Variants in OGDH observed in about 807,000 individuals in gnomAD.
The protein encoded by OGDH is oxoglutarate dehydrogenase, also known as 2-oxoglutarate dehydrogenase complex component E1.
In OGDH, 38 loss-of-function variants were observed where a neutral mutation model predicts 116.6. That is an observed-to-expected ratio of 0.33 (90% CI 0.25 to 0.43). The LOEUF (loss-of-function observed/expected upper bound fraction) is 0.43. Among genes scored for constraint, OGDH ranks in the 20% least tolerant of loss-of-function variants. The pLI is 1.00. For synonymous variants in OGDH, 488 were observed against 533.3 expected (o/e 0.92, Z 1.17); for missense variants, 825 against 1,357.2 (o/e 0.61, Z 6.16).
chr7:44,675,981 T>C lies in OGDH; in HGVS notation c.1038T>C (p.Asp346=). The C allele has an allele frequency of 6.2e-7, 1 of 1,613,914 alleles. No individual in the cohort carries two copies. The highest frequency in any genetic ancestry group is 8.5e-7 in the Non-Finnish European group (1 of 1,179,920). The change falls in exon 9 of 23, where the codon GAT becomes GAC. Residue 346 remains aspartate, a synonymous_variant. Transcript: ENST00000222673. ...KLEAADEGSG[D]VKYHLGMYHR... ...GTTTACCCCATCAGGGCTCCGGAGA[T>C]GTGAAGTACCACCTGGGCATGTATC...
chr7:44,618,820 G>A (rs570822671), intron 1 of OGDH, among the ~76,000 whole-genome samples: 8 of 152,310 alleles, frequency 5.3e-5, no homozygotes, highest in Middle Eastern at 6.8e-3. Flanking sequence ...TTGTCTGATT[G>A]TAGGTCACAA....
chr7:44,611,300 G>A (rs182380455), intron 1 of OGDH, among the ~76,000 whole-genome samples: 1,750 of 150,652 alleles, frequency 0.012, 9 homozygotes, highest in Non-Finnish European at 0.019. Context: ...TCGCTCTGTC[G>A]CCCAGGCTGG....
At chr7:44,673,726 G>A in intron 5 of OGDH, 61 bp from the exon 6 acceptor site, 5 of 1,555,764 alleles carry the variant, frequency 3.2e-6, no homozygotes, top group South Asian at 1.1e-5. Flanking sequence ...GCAGTCGGCA[G>A]TCTTCATTCA....
At chr7:44,616,862 T>C (rs373056662) in intron 1 of OGDH, among the ~76,000 whole-genome samples, 11 of 100,820 alleles carry the variant, frequency 1.1e-4, no homozygotes, top group African/African-American at 1.6e-4. Context: ...TATATACACA[T>C]ATATATATAC....
At chr7:44,616,116 CTTGTT>C (rs1417347814) in intron 1 of OGDH, among the ~76,000 whole-genome samples, 2 of 151,846 alleles carry the variant, frequency 1.3e-5, no homozygotes, top group African/African-American at 4.8e-5. Context: ...CTTTCACAGT[CTTGTT>C]TTGTCTTAAA....
chr7:44,692,948 G>A (rs1469736741), intron 10 of OGDH, among the ~76,000 whole-genome samples: 2 of 151,526 alleles, frequency 1.3e-5, no homozygotes, highest in African/African-American at 4.8e-5. Flanking sequence ...GGCATGAGAG[G>A]TGAGCTACGA....
At chr7:44,681,092 G>A (rs773238934) in intron 9 of OGDH, among the ~76,000 whole-genome samples, 8 of 152,164 alleles carry the variant, frequency 5.3e-5, no homozygotes, top group South Asian at 2.1e-4. Context: ...TGGTTCAGAC[G>A]CAGTTGTCAA....
At chr7:44,685,195 T>TAAC (rs968363238) in intron 10 of OGDH, among the ~76,000 whole-genome samples, 92 of 152,182 alleles carry the variant, frequency 6.0e-4, no homozygotes, top group African/African-American at 2.2e-3. Context: ...TGTGCAACCA[T>TAAC]CACCACCACC....
intron 3 of OGDH, among the ~76,000 whole-genome samples, chr7:44,647,141 A>C (rs1438746425): frequency 6.6e-6 from 1 of 152,224 alleles, no homozygotes; most frequent in East Asian, 1.9e-4. Flanking sequence ...TGGAGTAAGA[A>C]TTGCCCAGCA....
intron 5 of OGDH, among the ~76,000 whole-genome samples, chr7:44,668,101 CTCT>C (rs939640205): frequency 1.3e-5 from 2 of 152,180 alleles, no homozygotes; most frequent in African/African-American, 2.4e-5. Context: ...ATTTAAAACT[CTCT>C]TGTCAGTGTT....
intron 10 of OGDH, among the ~76,000 whole-genome samples, chr7:44,689,581 T>G (rs961667137): frequency 5.9e-5 from 9 of 151,880 alleles, no homozygotes; most frequent in African/African-American, 2.2e-4. Flanking sequence ...CTCTTGTTAT[T>G]GTCTGTTTTA....
At chr7:44,687,562 T>A (rs1788187323) in intron 10 of OGDH, among the ~76,000 whole-genome samples, 1 of 151,920 alleles carries the variant, frequency 6.6e-6, no homozygotes, top group Non-Finnish European at 1.5e-5. Flanking sequence ...ACTATGGCCA[T>A]GCACCACCAC....
At chr7:44,683,274 C>T (rs1017268110) in intron 10 of OGDH, among the ~76,000 whole-genome samples, 5 of 152,160 alleles carry the variant, frequency 3.3e-5, no homozygotes, top group South Asian at 2.1e-4. Flanking sequence ...CCATAGCTCA[C>T]GCTGGAGTGT....
chr7:44,682,426 G>A (rs1787967980), intron 10 of OGDH, among the ~76,000 whole-genome samples: 1 of 150,926 alleles, frequency 6.6e-6, no homozygotes, highest in Non-Finnish European at 1.5e-5. Flanking sequence ...CACCGGGCAT[G>A]GTGGCCCACA....
chr7:44,649,285 T>C (rs984581282), intron 4 of OGDH, among the ~76,000 whole-genome samples: 10 of 143,048 alleles, frequency 7.0e-5, no homozygotes, highest in African/African-American at 2.6e-4. Flanking sequence ...GGTCTTGCTC[T>C]GTCACCCAGG....
intron 2 of OGDH, among the ~76,000 whole-genome samples, chr7:44,627,523 A>G (rs995833772): frequency 1.3e-5 from 2 of 152,236 alleles, no homozygotes; most frequent in Non-Finnish European, 2.9e-5. Flanking sequence ...CTGTTTAAAC[A>G]TCAGAAATGT....
chr7:44,667,941 G>C (rs1029317331), intron 5 of OGDH, among the ~76,000 whole-genome samples: 2 of 152,108 alleles, frequency 1.3e-5, no homozygotes, highest in African/African-American at 4.8e-5. Flanking sequence ...CTGGCCATCA[G>C]GGCTCTCTGA....
At chr7:44,700,837 C>T (rs762955142) in intron 19 of OGDH, among the ~76,000 whole-genome samples, 1 of 152,068 alleles carries the variant, frequency 6.6e-6, no homozygotes, top group Non-Finnish European at 1.5e-5. Context: ...ACAGTGAAAC[C>T]CCGTCTCTAC....
intron 7 of OGDH, 69 bp from the exon 8 acceptor site, chr7:44,675,109 A>G: frequency 1.6e-6 from 2 of 1,255,994 alleles, no homozygotes; most frequent in Non-Finnish European, 1.2e-6. Flanking sequence ...GGGGATTGTA[A>G]CACCCTCATC....
Sources: allele counts gnomAD v4.1 joint callset (sites outside exome capture counted in the v4.1 genomes callset), GRCh38; gene constraint gnomAD v4.1.1; transcripts MANE v1.5; gene names NCBI Gene and HGNC (gene_info 2026-07-23, HGNC 2026-07-21).